Variants in C2 observed in about 807,000 individuals in gnomAD.
C2 encodes the protein complement C2.
A neutral mutation model predicts 85.2 loss-of-function variants in C2; 64 were observed. That is an observed-to-expected ratio of 0.75 (90% CI 0.61 to 0.92). The LOEUF is 0.92. Among genes scored for constraint, C2 ranks in the 40% least tolerant of loss-of-function variants. The pLI, the probability that C2 is intolerant of heterozygous loss-of-function variation, is 0.00. For missense variants in C2, 820 were observed against 971.6 expected, an observed-to-expected ratio of 0.84 and a Z score of 2.07; for synonymous variants, 311 against 370.8, an observed-to-expected ratio of 0.84 and a Z score of 1.85.
rs757311436 is a variant in C2 at position 31,945,301 on chromosome 6, A to G, written c.2203A>G (p.Met735Val). ...PRDFHINLFR[M>V]QPWLRQHLGD... is the part of the protein sequence containing the mutation. ...AGACTTTCACATCAATCTCTTCCGCATGCAGCCCTGGCTGAGGCAGCACCT... is the reference window on the plus strand; with the variant it reads ...AGACTTTCACATCAATCTCTTCCGCGTGCAGCCCTGGCTGAGGCAGCACCT... Residue 735 changes from methionine (M) to valine (V), a missense_variant, in exon 18 of 18, where the codon ATG becomes GTG. By Grantham distance (21) the Met-to-Val change is conservative. Coordinates refer to ENST00000299367, the MANE Select transcript of C2 (RefSeq NM_000063.6). The surrounding 1 kb of genome is among the most constrained non-coding windows in gnomAD (Gnocchi z 5.3). 6.4e-5 allele frequency: 103 copies of G among 1,612,898 alleles called. No homozygotes were observed. The highest frequency in any genetic ancestry group is 2.2e-4 in the Admixed American group (13 of 60,004).
At position 31,945,021 on chromosome 6, in the gene C2, T is replaced by G. The variant is rs1261602910; in HGVS notation, c.2071T>G (p.Phe691Val). The G allele has an allele frequency of 6.2e-7, 1 of 1,612,754 alleles. No homozygotes were observed. Residue 691 changes from phenylalanine (F) to valine (V), a missense_variant, in exon 17 of 18, where the codon TTT (phenylalanine) becomes GTT (valine). Phe to Val is a conservative substitution (Grantham distance 50). Transcript: ENST00000299367. This position sits in a 1 kb window ranked among gnomAD's most constrained non-coding sequence, Gnocchi z 5.3. ...GAVFLERRFR[F>V]FQVGLVSWGL... ...AGTTTTCCTTGAGCGGAGATTCAGG[T>G]TTTTTCAGGTGAGAAGGTAGAAGCT... is the stretch of plus-strand genomic sequence containing the variant.
chr6:31,911,930 CTTTT>C (rs70990289), intron 1 of C2, among the ~76,000 whole-genome samples: 16 of 122,944 alleles, frequency 1.3e-4, no homozygotes, highest in Non-Finnish European at 2.1e-4. Context: ...ATGTCTGGCC[CTTTT>C]TTTTTTTTTT....
At chr6:31,939,086 A>G (rs968149712) in intron 8 of C2, 145 bp from the exon 9 acceptor site, 11 of 716,114 alleles carry the variant, frequency 1.5e-5, no homozygotes, top group African/African-American at 1.2e-4. Flanking sequence ...GGTGTGAGCC[A>G]CCATGCCCAG....
At chr6:31,912,383 G>A (rs965781943) in intron 1 of C2, among the ~76,000 whole-genome samples, 2 of 152,162 alleles carry the variant, frequency 1.3e-5, no homozygotes, top group African/African-American at 4.8e-5. Flanking sequence ...GCTTTTCCCT[G>A]GTTTCCATGA....
intron 8 of C2, among the ~76,000 whole-genome samples, chr6:31,938,481 C>CAT (rs28993458): frequency 0.035 from 4,933 of 142,922 alleles, 103 homozygotes; most frequent in African/African-American, 0.053. Context: ...TGTATACATA[C>CAT]ATATATATAT....
intron 1 of C2, among the ~76,000 whole-genome samples, chr6:31,911,097 G>A (rs1768065358): frequency 6.6e-6 from 1 of 151,692 alleles, no homozygotes; most frequent in South Asian, 2.1e-4. Flanking sequence ...TCAGGAGTTC[G>A]AGACCAGCCT....
rs149324266 is a variant in C2 at position 31,928,846 on chromosome 6, G to A, written c.371G>A (p.Arg124Gln). ...GAGTGTGAGGATGGCTTCATATTGC[G>A]GGGCTCGCCTGTGCGTCAGTGTCGC... ...SFECEDGFIL[R>Q]GSPVRQCRPN... Residue 124 changes from arginine (R) to glutamine (Q), a missense_variant, in exon 3 of 18, where the codon CGG becomes CAG. Transcript: ENST00000299367. 94 of 1,614,248 alleles carry A rather than the reference G, an allele frequency of 5.8e-5. No individual in the cohort carries two copies. The South Asian group carries it at 7.6e-4, about 13-fold the overall frequency.
At position 31,922,047 on chromosome 6, in the gene C2, G is replaced by C. The variant is rs1769013502; in HGVS notation, c.-100+2021G>C. On this transcript the variant is annotated intron_variant, in intron 1 of 3. Transcript: ENST00000413154. The surrounding 1 kb of genome is among the most constrained non-coding windows in gnomAD (Gnocchi z 4.8). ...GGGAGCCCAGTATTTATACCAATCA[G>C]TCATTGGTTGAAGGCCTTAATTCTC... Among the ~76,000 whole-genome samples the C allele has an allele frequency of 6.6e-6, 1 of 152,132 alleles. No individual in the cohort carries two copies. The highest frequency in any genetic ancestry group is 2.1e-4 in the South Asian group (1 of 4,832).
In C2 at chr6:31,935,833, C is replaced by T. The variant is rs1770359818; in HGVS notation, c.850-90C>T. The T allele has an allele frequency of 6.3e-6, 9 of 1,431,736 alleles. No individual in the cohort carries two copies. The highest frequency in any genetic ancestry group is 1.1e-5 in the South Asian group (1 of 87,094). 88.7% of individuals were successfully genotyped at this position (1,431,736 alleles called of 1,614,324 possible). ...CTCTGTCGGTCTCACTCCAGTTTCT[C>T]TGCCTCCTCCAGGGCCCTTTGTTTG... On this transcript the variant is annotated intron_variant, in intron 6 of 17. Transcript: ENST00000299367. This position sits in a 1 kb window ranked among gnomAD's most constrained non-coding sequence, Gnocchi z 4.3.
At position 31,933,652 on chromosome 6, in the gene C2, G is replaced by T; in HGVS notation, c.485G>T (p.Arg162Leu). 6.2e-7 allele frequency: 1 copy of T among 1,613,120 alleles called. No individual in the cohort carries two copies. Among genetic ancestry groups the T allele is most frequent in the Non-Finnish European group, 8.5e-7 (1 of 1,180,030 alleles). The part of the protein sequence containing the change: ...PNPGISLGAV[R>L]TGFRFGHGDK... ...CCAGGCATTTCACTGGGCGCAGTGC[G>T]GACAGGCTTCCGCTTTGGTCATGGG... is the stretch of plus-strand genomic sequence containing the variant. The change falls in exon 4 of 18, where the codon CGG becomes CTG. Residue 162 changes from arginine to leucine, a missense_variant. By Grantham distance (102) the Arg-to-Leu change is moderately radical. Coordinates refer to ENST00000299367, the MANE Select transcript of C2 (RefSeq NM_000063.6).
chr6:31,915,736 A>C (rs1768458001), upstream of C2, among the ~76,000 whole-genome samples: 1 of 152,258 alleles, frequency 6.6e-6, no homozygotes, highest in South Asian at 2.1e-4. Flanking sequence ...TGTGCCTGAC[A>C]GTAACAACAC....
chr6:31,933,709 T>TTG lies in C2; in HGVS notation c.545_546dup (p.Leu183CysfsTer72). 1 of 1,613,336 alleles carries TTG rather than the reference T, an allele frequency of 6.2e-7. No homozygotes were observed. Among genetic ancestry groups the TTG allele is most frequent in the Non-Finnish European group, 8.5e-7 (1 of 1,180,044 alleles). ...GTCCGCTATCGCTGCTCCTCGAATC[T>TTG]TGTGCTCACGGGGTCTTCGGAGCGG... On this transcript the variant is annotated frameshift_variant, in exon 4 of 18. Coordinates refer to ENST00000299367, the MANE Select transcript of C2 (RefSeq NM_000063.6). LOFTEE classifies it high-confidence loss of function.
upstream of C2, chr6:31,900,940 G>A: frequency 1.2e-6 from 2 of 1,614,190 alleles, no homozygotes; most frequent in East Asian, 2.2e-5. This position sits in a 1 kb window ranked among gnomAD's most constrained non-coding sequence, Gnocchi z 9.7. Flanking sequence ...ACTGGCTGAG[G>A]GCATTCCGGC....
At chr6:31,907,153 A>G (rs1259052635) in intron 1 of C2, among the ~76,000 whole-genome samples, 1 of 151,468 alleles carries the variant, frequency 6.6e-6, no homozygotes, top group Non-Finnish European at 1.5e-5. Flanking sequence ...AAAAAAAAAA[A>G]GCAAAATAAA....
upstream of C2, chr6:31,927,614 C>A (rs1164816817): frequency 6.3e-7 from 1 of 1,593,880 alleles, no homozygotes; most frequent in African/African-American, 1.3e-5. This position sits in a 1 kb window ranked among gnomAD's most constrained non-coding sequence, Gnocchi z 4.7. Context: ...TAACAGAAGA[C>A]CATCCCCCTT....
chr6:31,917,279 A>C (rs2151723693), upstream of C2, among the ~76,000 whole-genome samples: 1 of 152,256 alleles, frequency 6.6e-6, no homozygotes, highest in East Asian at 1.9e-4. Context: ...AAGAAGTGAA[A>C]GATAAATAGT....
chr6:31,932,194 G>A (rs1357370887), intron 3 of C2, among the ~76,000 whole-genome samples: 1 of 144,764 alleles, frequency 6.9e-6, no homozygotes, highest in Non-Finnish European at 1.5e-5. Flanking sequence ...AGGGGCGGCC[G>A]GGCAGAGGCG....
Position 31,945,159 on chromosome 6 carries a change from G to A in C2, c.2080-19G>A. The A allele has an allele frequency of 6.2e-7, 1 of 1,612,898 alleles. No homozygotes were observed. Among genetic ancestry groups the A allele is most frequent in the Non-Finnish European group, 8.5e-7 (1 of 1,179,940 alleles). ...TGGGGCTGTGGCAGCCTCCCAGCCA[G>A]TTCTCTCCTTTTCTCCAGGTGGGTC... On this transcript the variant is annotated intron_variant, in intron 17 of 17. Coordinates refer to ENST00000299367, the MANE Select transcript of C2 (RefSeq NM_000063.6). This position sits in a 1 kb window ranked among gnomAD's most constrained non-coding sequence, Gnocchi z 5.3.
At chr6:31,917,476 A>C (rs1178308318), upstream of C2, among the ~76,000 whole-genome samples, 1 of 152,162 alleles carries the variant, frequency 6.6e-6, no homozygotes, top group Non-Finnish European at 1.5e-5. Flanking sequence ...ACTGAAGACT[A>C]CTAGAAGGGG....
Sources: gnomAD v4.1 joint callset for allele counts (sites outside exome capture counted in the v4.1 genomes callset) on GRCh38, gnomAD v4.1.1 for gene constraint, Gnocchi (gnomAD v3.1) non-coding constraint, MANE v1.5 for transcripts, NCBI Gene and HGNC (gene_info 2026-07-23, HGNC 2026-07-21) for gene names.